ERCC6L2: variants seen among roughly 807,000 people sequenced by gnomAD.
ERCC6L2 encodes the protein ERCC excision repair 6 like 2, also known as DNA excision repair protein ERCC-6-like 2.
A neutral mutation model predicts 132.0 loss-of-function variants in ERCC6L2; 77 were observed. The observed-to-expected ratio is 0.58, with a 90% CI of 0.49 to 0.71. The LOEUF is 0.71. Among genes scored for constraint, ERCC6L2 ranks in the 30% least tolerant of loss-of-function variants. The probability of loss-of-function intolerance (pLI) is 0.00; values close to 1 mark genes in which losing one functional copy is unlikely to be tolerated. For synonymous variants in ERCC6L2, 583 were observed against 632.4 expected, an observed-to-expected ratio of 0.92 and a Z score of 1.17; for missense variants, 1,542 against 1,837.6, an observed-to-expected ratio of 0.84 and a Z score of 2.94.
chr9:95,880,428 A>G (rs1827527576), intron 1 of ERCC6L2, among the ~76,000 whole-genome samples: 1 of 152,286 alleles, frequency 6.6e-6, no homozygotes, highest in African/African-American at 2.4e-5. Context: ...AAATATATGT[A>G]TATATATATG....
In ERCC6L2 at chr9:96,037,012, C is replaced by T. The variant is rs1237543095; in HGVS notation, c.*1504-1864C>T. Among the ~76,000 whole-genome samples, 7 of 151,864 alleles carry T rather than the reference C, an allele frequency of 4.6e-5. No individual in the cohort carries two copies. In the East Asian group the frequency reaches 5.8e-4, roughly 13 times the overall value. ...CGATCTCCTGACCTCGTGATCCGCCCGCCTCGGCCTCCCAAAGTGCTGGGA... is the reference window on the plus strand; with the variant it reads ...CGATCTCCTGACCTCGTGATCCGCCTGCCTCGGCCTCCCAAAGTGCTGGGA... On this transcript the variant is annotated intron_variant and NMD_transcript_variant, in intron 19 of 20. Transcript: ENST00000670016.
chr9:95,890,004 C>T (rs990230090), intron 2 of ERCC6L2, among the ~76,000 whole-genome samples: 1 of 152,114 alleles, frequency 6.6e-6, no homozygotes, highest in Non-Finnish European at 1.5e-5. Flanking sequence ...TCACTGGATT[C>T]TTTAGTAACT....
Position 95,955,973 on chromosome 9 carries a change from C to G in ERCC6L2, c.1907C>G (p.Thr636Ser). ...GTGCTTAGGCTGATATCCTTGGGAACTGTGGAGGAAATCATGTATTTACGA... is the reference window on the plus strand; with the variant it reads ...GTGCTTAGGCTGATATCCTTGGGAAGTGTGGAGGAAATCATGTATTTACGA... ...VKVLRLISLGTVEEIMYLRQI... is the reference protein window; with the variant it reads ...VKVLRLISLGSVEEIMYLRQI... The change falls in exon 13 of 19, where the codon ACT becomes AGT. Residue 636 changes from threonine (T) to serine (S), a missense_variant. Physicochemically the swap from Thr to Ser is moderately conservative, Grantham distance 58. Around this residue, in one of 4 missense-constraint regions of ERCC6L2, gnomAD observed 945 missense variants for 1,105.2 expected, o/e 0.86. Coordinates refer to ENST00000653738, the MANE Select transcript of ERCC6L2 (RefSeq NM_020207.7). 1.9e-6 allele frequency: 3 copies of G among 1,607,700 alleles called. No homozygotes were observed. The highest frequency in any genetic ancestry group is 2.5e-6 in the Non-Finnish European group (3 of 1,176,480).
chr9:96,025,464 C>G (rs1834348065), intron 19 of ERCC6L2, among the ~76,000 whole-genome samples: 1 of 152,200 alleles, frequency 6.6e-6, no homozygotes, highest in Admixed American at 6.5e-5. Context: ...CGGAATGCCT[C>G]CGAGGCCCCC....
rs1462026243 is a variant in ERCC6L2, at chr9:96,015,210, C to T, written c.*2007C>T. 2.8e-5 allele frequency among the ~76,000 whole-genome samples: 4 copies of T among 143,048 alleles called. No homozygotes were observed. Among genetic ancestry groups the T allele is most frequent in the African/African-American group, 7.9e-5 (3 of 38,144 alleles). The allele number at this position is 143,048 out of a possible 152,430, so 93.8% of individuals were successfully genotyped here. A position where few individuals can be genotyped will look rare whatever the true frequency, so the allele number is the denominator to read the frequency against. ...TAAACATTTTTTTTTTTTTTTGAGACGGAGTCTCACTCTGTCGCCAGGCTG... is the reference window on the plus strand; with the variant it reads ...TAAACATTTTTTTTTTTTTTTGAGATGGAGTCTCACTCTGTCGCCAGGCTG... On this transcript the variant is annotated 3_prime_UTR_variant, in exon 19 of 19. Coordinates refer to ENST00000653738, the MANE Select transcript of ERCC6L2 (RefSeq NM_020207.7).
intron 17 of ERCC6L2, among the ~76,000 whole-genome samples, chr9:95,992,029 A>C (rs1002005417): frequency 2.6e-5 from 4 of 152,168 alleles, no homozygotes; most frequent in Non-Finnish European, 5.9e-5. Context: ...TATGAGACCA[A>C]TTTTCTTCAT....
At chr9:95,984,881 C>T (rs1564286386) in intron 17 of ERCC6L2, among the ~76,000 whole-genome samples, 1 of 152,120 alleles carries the variant, frequency 6.6e-6, no homozygotes, top group East Asian at 1.9e-4. Flanking sequence ...CTGGAGATGA[C>T]ATTGTTCATT....
Position 95,922,384 on chromosome 9 carries a change from C to T in ERCC6L2, c.1379C>T (p.Ala460Val), listed in dbSNP as rs201546231. 1.2e-4 allele frequency: 193 copies of T among 1,612,822 alleles called. No homozygotes were observed. Among genetic ancestry groups the T allele is most frequent in the East Asian group, 7.8e-4 (35 of 44,824 alleles). Residue 460 changes from alanine to valine, a missense_variant, in exon 8 of 19, where the codon GCG becomes GTG. Ala to Val is a moderately conservative substitution (Grantham distance 64). This residue lies in a region of ERCC6L2 where 945 missense variants were observed against 1,105.2 expected (regional missense o/e 0.86). Coordinates refer to ENST00000653738, the MANE Select transcript of ERCC6L2 (RefSeq NM_020207.7). ...TVLQKVANHV[A>V]LLQAASTSKQ... ...CTTCAGAAGGTAGCTAACCATGTCG[C>T]GCTACTGCAAGCTGCTAGTACTTCC...
intron 19 of ERCC6L2, chr9:96,038,845 A>T (rs1342859935): frequency 4.4e-6 from 2 of 456,184 alleles, no homozygotes; most frequent in Non-Finnish European, 8.8e-6. Flanking sequence ...AAAATGTAGC[A>T]GCAGTAACAA....
intron 11 of ERCC6L2, among the ~76,000 whole-genome samples, chr9:95,935,918 T>C (rs1830533219): frequency 6.6e-6 from 1 of 152,158 alleles, no homozygotes; most frequent in South Asian, 2.1e-4. Flanking sequence ...AAAGTAAAAT[T>C]TTCCAGATGA....
chr9:95,937,655 CT>C (rs1180743359), intron 11 of ERCC6L2, among the ~76,000 whole-genome samples: 1 of 151,634 alleles, frequency 6.6e-6, no homozygotes, highest in African/African-American at 2.4e-5. Flanking sequence ...TTCATTTATC[CT>C]TTTAATAGCT....
At chr9:95,955,071 G>A (rs192038540) in intron 12 of ERCC6L2, 1 of 361,010 alleles carries the variant, frequency 2.8e-6, no homozygotes, top group Admixed American at 3.7e-5. Context: ...GGCATTGGGT[G>A]CTCATACAGA....
chr9:95,881,155 T>C lies in ERCC6L2; in HGVS notation c.333T>C (p.Asn111=), dbSNP rs759988195. The change falls in exon 2 of 19, where the codon AAT becomes AAC. Residue 111 remains asparagine, a synonymous_variant. Transcript: ENST00000653738. ...SSSVAFKLSD[N]GDSIPYTINR... is the part of the protein sequence containing the mutation. Reference sequence around the variant, plus strand: ...CTGTTGCTTTTAAATTATCTGACAATGGAGACTCTATTCCTTATACCATCA... The same window carrying C: ...CTGTTGCTTTTAAATTATCTGACAACGGAGACTCTATTCCTTATACCATCA... The C allele has an allele frequency of 8.1e-6, 13 of 1,613,660 alleles. No individual in the cohort carries two copies. In the South Asian group the frequency reaches 1.3e-4, roughly 16 times the overall value.
chr9:96,021,353 A>G (rs1205963528), downstream of ERCC6L2: 10 of 326,058 alleles, frequency 3.1e-5, no homozygotes, highest in Admixed American at 4.5e-4. This position sits in a 1 kb window ranked among gnomAD's most constrained non-coding sequence, Gnocchi z 4.7. Context: ...CGAGTTCTCC[A>G]GGAGCCGCAC....
intron 13 of ERCC6L2, among the ~76,000 whole-genome samples, chr9:95,957,023 T>G (rs1368073093): frequency 6.6e-6 from 1 of 152,188 alleles, no homozygotes; most frequent in East Asian, 1.9e-4. Flanking sequence ...GTAAATGAAA[T>G]TATAGGAATA....
At chr9:95,922,573 T>G (rs1829922934) in intron 8 of ERCC6L2, among the ~76,000 whole-genome samples, 155 bp downstream of exon 8, 1 of 152,224 alleles carries the variant, frequency 6.6e-6, no homozygotes, top group South Asian at 2.1e-4. Context: ...TATGTGCACT[T>G]AAGTTTTTAA....
intron 4 of ERCC6L2, among the ~76,000 whole-genome samples, chr9:95,907,857 C>CACACAAACA: frequency 7.5e-6 from 1 of 133,738 alleles, no homozygotes; most frequent in African/African-American, 2.8e-5. Context: ...ACACACACAC[C>CACACAAACA]CCCACACCCA....
At position 96,004,675 on chromosome 9, in the gene ERCC6L2, T is replaced by G. The variant is rs773395682; in HGVS notation, c.3648T>G (p.Ile1216Met). Reference sequence around the variant, plus strand: ...ATACAAACCAGACCACCTTCATAATTGGAGAAACACCAAAAGGAATCCGCA... The same window carrying G: ...ATACAAACCAGACCACCTTCATAATGGGAGAAACACCAAAAGGAATCCGCA... Reference protein sequence around the residue: ...VYHTNQTTFIIGETPKGIRRK... With the variant: ...VYHTNQTTFIMGETPKGIRRK... The change falls in exon 18 of 19, where the codon ATT becomes ATG. Residue 1216 changes from isoleucine to methionine, a missense_variant. Physicochemically the swap from Ile to Met is conservative, Grantham distance 10. Around this residue, in one of 4 missense-constraint regions of ERCC6L2, gnomAD observed 442 missense variants for 583.4 expected, o/e 0.76. Transcript: ENST00000653738. 1 of 1,343,500 alleles carries G rather than the reference T, an allele frequency of 7.4e-7. No individual in the cohort carries two copies. Among genetic ancestry groups the G allele is most frequent in the Non-Finnish European group, 9.9e-7 (1 of 1,009,004 alleles). The allele number at this position is 1,343,500 out of a possible 1,614,324, so 83.2% of individuals were successfully genotyped here.
chr9:95,915,640 C>T, intron 4 of ERCC6L2, 28 bp from the exon 5 acceptor site: 3 of 1,582,170 alleles, frequency 1.9e-6, no homozygotes, highest in African/African-American at 1.4e-5. Flanking sequence ...TTTTCTCAAC[C>T]TCACCCTTCT....
Sources: gnomAD v4.1 joint callset for allele counts (sites outside exome capture counted in the v4.1 genomes callset) on GRCh38, gnomAD v4.1.1 for gene constraint, gnomAD v4.1.1 regional missense constraint, Gnocchi (gnomAD v3.1) non-coding constraint, MANE v1.5 for transcripts, NCBI Gene and HGNC (gene_info 2026-07-23, HGNC 2026-07-21) for gene names.